Variants in CRYBG3 observed in about 807,000 individuals in gnomAD.
The protein encoded by CRYBG3 is crystallin beta-gamma domain containing 3, also known as very large A-kinase anchor protein.
In CRYBG3, 127 loss-of-function variants were observed where a neutral mutation model predicts 244.2. That is an observed-to-expected ratio of 0.52 (90% CI 0.45 to 0.60). The LOEUF (loss-of-function observed/expected upper bound fraction) is 0.60. Ranked by LOEUF, CRYBG3 falls within the 20% of genes least tolerant of loss-of-function variation. The pLI, the probability that CRYBG3 is intolerant of heterozygous loss-of-function variation, is 0.00. For missense variants in CRYBG3, 3,325 were observed against 3,442.5 expected (o/e 0.97, Z 0.85); for synonymous variants, 1,132 against 1,195.8 (o/e 0.95, Z 1.10).
chr3:97,836,876 C>T (rs2038741598), intron 1 of CRYBG3: 1 of 152,164 alleles, frequency 6.6e-6, no homozygotes, highest in Non-Finnish European at 1.5e-5. Flanking sequence ...TAGTCTTTCT[C>T]ATCTTTTACC....
intron 3 of CRYBG3, among the ~76,000 whole-genome samples, chr3:97,865,364 A>G (rs1473903317): frequency 6.6e-6 from 1 of 152,200 alleles, no homozygotes; most frequent in Non-Finnish European, 1.5e-5. Flanking sequence ...GAAGCCATCA[A>G]AAATATTATA....
chr3:97,908,074 T>C (rs952646788), intron 15 of CRYBG3, among the ~76,000 whole-genome samples: 3 of 152,224 alleles, frequency 2.0e-5, no homozygotes, highest in African/African-American at 4.8e-5. Flanking sequence ...AGATTCCTAA[T>C]CCTGAGGTCT....
chr3:97,906,208 G>A (rs1171504901), intron 15 of CRYBG3, among the ~76,000 whole-genome samples: 2 of 143,104 alleles, frequency 1.4e-5, no homozygotes, highest in Non-Finnish European at 3.1e-5. Flanking sequence ...TTTTGGCTTA[G>A]GATTGACTTC....
At chr3:97,823,105 C>A (rs933784664) in intron 1 of CRYBG3, among the ~76,000 whole-genome samples, 2 of 152,104 alleles carry the variant, frequency 1.3e-5, no homozygotes, top group Non-Finnish European at 2.9e-5. Context: ...ATATTTTTAT[C>A]TTTCCTTCAC....
At chr3:97,853,888 A>T (rs944329976) in intron 2 of CRYBG3, among the ~76,000 whole-genome samples, 15 of 152,098 alleles carry the variant, frequency 9.9e-5, no homozygotes, top group African/African-American at 3.4e-4. Flanking sequence ...CTTAGTGATG[A>T]ACTCTCTGCC....
chr3:97,868,834 A>G (rs982910651), intron 3 of CRYBG3, among the ~76,000 whole-genome samples: 1 of 152,158 alleles, frequency 6.6e-6, no homozygotes, highest in Non-Finnish European at 1.5e-5. Flanking sequence ...GTTGGCAGTA[A>G]GAGGACCTAA....
intron 3 of CRYBG3, among the ~76,000 whole-genome samples, chr3:97,869,935 A>G (rs958169648): frequency 7.9e-5 from 12 of 152,176 alleles, no homozygotes; most frequent in East Asian, 5.8e-4. Context: ...TCTTTTATCA[A>G]TTAGACAAAT....
chr3:97,855,308 G>A (rs531877021), intron 2 of CRYBG3, among the ~76,000 whole-genome samples: 1 of 152,152 alleles, frequency 6.6e-6, no homozygotes, highest in East Asian at 1.9e-4. Flanking sequence ...TTTTGTGTGT[G>A]TTTGTGTGTC....
At position 97,864,339 on chromosome 3, in the gene CRYBG3, TGACA is replaced by T. The variant is rs1163344696; in HGVS notation, c.345_348del (p.Arg115SerfsTer22). 1.3e-6 allele frequency: 2 copies of T among 1,535,916 alleles called. No homozygotes were observed. The highest frequency in any genetic ancestry group is 1.7e-6 in the Non-Finnish European group (2 of 1,146,806). ...CTTCAGATACCAAAATAGGAGAAAG[TGACA>T]GACAGCCAAAAGAAAGCTTTTTTCA... is the stretch of plus-strand genomic sequence containing the variant. On this transcript the variant is annotated frameshift_variant, in exon 3 of 22. Coordinates refer to ENST00000389622, the MANE Select transcript of CRYBG3 (RefSeq NM_153605.4). LOFTEE classifies it high-confidence loss of function.
intron 15 of CRYBG3, 142 bp from the exon 16 acceptor site, chr3:97,912,021 TAACA>T (rs2039878205): frequency 2.1e-6 from 1 of 473,186 alleles, no homozygotes; most frequent in African/African-American, 2.0e-5. Flanking sequence ...TCATTATCCC[TAACA>T]TGAATTCATT....
intron 1 of CRYBG3, among the ~76,000 whole-genome samples, chr3:97,834,605 A>C (rs2038704850): frequency 6.6e-6 from 1 of 152,134 alleles, no homozygotes; most frequent in African/African-American, 2.4e-5. Context: ...GTCTTGTCAA[A>C]GCACAAAGGA....
Position 97,874,117 on chromosome 3 carries a change from G to A in CRYBG3, c.2923G>A (p.Gly975Arg). Residue 975 changes from glycine (G) to arginine (R), a missense_variant, in exon 4 of 22, where the codon GGG becomes AGG. Around this residue, in one of 4 missense-constraint regions of CRYBG3, gnomAD observed 1,526 missense variants for 1,443.2 expected, o/e 1.06. Coordinates refer to ENST00000389622, the MANE Select transcript of CRYBG3 (RefSeq NM_153605.4). Reference protein sequence around the residue: ...CVFHQSLDICGTKKISGHSEM... With the variant: ...CVFHQSLDICRTKKISGHSEM... ...GTTTCATCAATCTTTGGATATTTGT[G>A]GGACTAAAAAGATTTCTGGTCACTC... 2 of 1,534,974 alleles carry A rather than the reference G, an allele frequency of 1.3e-6. No homozygotes were observed. Among genetic ancestry groups the A allele is most frequent in the Non-Finnish European group, 8.7e-7 (1 of 1,146,598 alleles).
intron 2 of CRYBG3, among the ~76,000 whole-genome samples, chr3:97,845,669 A>C (rs2038890100): frequency 6.6e-6 from 1 of 152,138 alleles, no homozygotes; most frequent in Non-Finnish European, 1.5e-5. Context: ...AAATTCCCTC[A>C]AGCCCCCATC....
chr3:97,832,877 A>C (rs1247703973), intron 1 of CRYBG3, among the ~76,000 whole-genome samples: 1 of 152,088 alleles, frequency 6.6e-6, no homozygotes, highest in Non-Finnish European at 1.5e-5. Flanking sequence ...TACAAGAAAA[A>C]AACAACCCCA....
rs150948683 is a variant in CRYBG3 at position 97,941,166 on chromosome 3, A to G, written c.8524A>G (p.Ile2842Val). 525 of 1,610,554 alleles carry G rather than the reference A, an allele frequency of 3.3e-4. No individual in the cohort carries two copies. In the African/African-American group the frequency reaches 6.2e-3, roughly 19 times the overall value. Residue 2842 changes from isoleucine (I) to valine (V), a missense_variant, in exon 20 of 22, where the codon ATA becomes GTA. Physicochemically the swap from Ile to Val is conservative, Grantham distance 29 (BLOSUM62 3). Around this residue, in one of 4 missense-constraint regions of CRYBG3, gnomAD observed 714 missense variants for 803.6 expected, o/e 0.89. Coordinates refer to ENST00000389622, the MANE Select transcript of CRYBG3 (RefSeq NM_153605.4). ...GTCATAGCCTGCAGTGTACATCAGA[A>G]TAAAGAACCGTGCCCAGGGTGAATA... Reference protein sequence around the residue: ...PMKQPAVYIRIKNRAQGEYLT... With the variant: ...PMKQPAVYIRVKNRAQGEYLT...
At chr3:97,832,244 A>AG (rs1246637506) in intron 1 of CRYBG3, among the ~76,000 whole-genome samples, 1 of 150,878 alleles carries the variant, frequency 6.6e-6, no homozygotes, top group Non-Finnish European at 1.5e-5. Flanking sequence ...AAAAAAAAAA[A>AG]GAGCCCATAT....
At chr3:97,861,641 G>T (rs2039150313) in intron 2 of CRYBG3, among the ~76,000 whole-genome samples, 1 of 152,094 alleles carries the variant, frequency 6.6e-6, no homozygotes, top group South Asian at 2.1e-4. Context: ...ATCTTGGAGA[G>T]CAACTAGAAT....
At chr3:97,885,061 C>G (rs1414234980) in intron 7 of CRYBG3, among the ~76,000 whole-genome samples, 3 of 152,058 alleles carry the variant, frequency 2.0e-5, no homozygotes, top group Admixed American at 6.6e-5. Flanking sequence ...TACTAGAACT[C>G]TATTATTAAT....
intron 17 of CRYBG3, among the ~76,000 whole-genome samples, chr3:97,918,679 T>C (rs1029441903): frequency 1.3e-5 from 2 of 152,242 alleles, no homozygotes; most frequent in Non-Finnish European, 2.9e-5. Flanking sequence ...TTCATTTTCA[T>C]ATTTTATCTC....
Sources: gnomAD v4.1 joint callset for allele counts (sites outside exome capture counted in the v4.1 genomes callset) on GRCh38, gnomAD v4.1.1 for gene constraint, gnomAD v4.1.1 regional missense constraint, MANE v1.5 for transcripts, NCBI Gene and HGNC (gene_info 2026-07-23, HGNC 2026-07-21) for gene names.